Variants in ATP8A2 observed in about 807,000 individuals in gnomAD.
The protein encoded by ATP8A2 is ATPase phospholipid transporting 8A2.
Under a neutral mutation model 165.6 loss-of-function variants are expected in ATP8A2, and 100 were observed. That is an observed-to-expected ratio of 0.60 (90% CI 0.51 to 0.71). The LOEUF (loss-of-function observed/expected upper bound fraction) is 0.71. ATP8A2 is among the 30% of genes least tolerant of loss of function. ATP8A2 has a pLI of 0.00. For missense variants in ATP8A2, 1,227 were observed against 1,479.5 expected (o/e 0.83, Z 2.80); for synonymous variants, 543 against 548.8 (o/e 0.99, Z 0.15).
intron 27 of ATP8A2, among the ~76,000 whole-genome samples, chr13:25,818,781 C>T (rs113157110): frequency 1.3e-5 from 2 of 152,260 alleles, no homozygotes; most frequent in Middle Eastern, 3.4e-3. Context: ...TTATTGAGCA[C>T]CTACTGTGTG....
At chr13:25,558,880 C>A in intron 13 of ATP8A2, 93 bp from the exon 14 acceptor site, 1 of 828,440 alleles carries the variant, frequency 1.2e-6, no homozygotes, top group Non-Finnish European at 1.9e-6. Flanking sequence ...CCGTTTCATA[C>A]AGGTTTTGAA....
intron 24 of ATP8A2, among the ~76,000 whole-genome samples, chr13:25,672,681 G>A (rs1002675691): frequency 4.6e-5 from 7 of 152,140 alleles, no homozygotes; most frequent in African/African-American, 1.7e-4. Flanking sequence ...TGGTTGCCAG[G>A]CAGTGGCTTT....
chr13:25,641,552 T>TGA (rs1350603950), intron 24 of ATP8A2, among the ~76,000 whole-genome samples: 15 of 152,168 alleles, frequency 9.9e-5, no homozygotes, highest in African/African-American at 3.1e-4. Context: ...TTAAGGGATG[T>TGA]GAAGGACCTC....
intron 24 of ATP8A2, among the ~76,000 whole-genome samples, chr13:25,681,565 G>A (rs182281168): frequency 6.3e-4 from 96 of 152,310 alleles, no homozygotes; most frequent in African/African-American, 2.1e-3. Flanking sequence ...GAGCTGGTCC[G>A]AGACGTCTCC....
intron 27 of ATP8A2, among the ~76,000 whole-genome samples, chr13:25,775,225 T>C (rs2044714998): frequency 1.3e-5 from 2 of 152,146 alleles, no homozygotes; most frequent in African/African-American, 4.8e-5. Context: ...CCTCCTGTGT[T>C]CCTCTTTGCC....
At chr13:25,997,601 G>A (rs995435309) in intron 35 of ATP8A2, among the ~76,000 whole-genome samples, 1 of 152,004 alleles carries the variant, frequency 6.6e-6, no homozygotes, top group Non-Finnish European at 1.5e-5. Flanking sequence ...GGCTCCCAAG[G>A]CTCTGTTAAT....
intron 1 of ATP8A2, among the ~76,000 whole-genome samples, chr13:25,375,892 C>G (rs918237280): frequency 1.3e-5 from 2 of 152,100 alleles, no homozygotes; most frequent in African/African-American, 2.4e-5. Context: ...CTTCTAGAAA[C>G]TGCCCCTGGA....
chr13:25,817,241 G>A lies in ATP8A2; in HGVS notation c.2680-10877G>A, dbSNP rs74521954. Among the ~76,000 whole-genome samples the A allele has an allele frequency of 1.9e-3, 287 of 151,864 alleles. 2 individuals carry two copies. The highest frequency in any genetic ancestry group is 3.2e-3 in the Non-Finnish European group (216 of 67,982). ...GCCTTGAACTATAAAAAAAATTTAC[G>A]AAGTCCTTGACACAATTTGGAGCGA... On this transcript the variant is annotated intron_variant, in intron 27 of 36. Transcript: ENST00000381655.
At chr13:25,487,499 G>T (rs1319466613) in intron 2 of ATP8A2, among the ~76,000 whole-genome samples, 4 of 152,160 alleles carry the variant, frequency 2.6e-5, no homozygotes, top group Non-Finnish European at 5.9e-5. Context: ...GAGTTAATAT[G>T]CATGAGGCAC....
chr13:25,771,582 A>G (rs990961313), intron 26 of ATP8A2, among the ~76,000 whole-genome samples: 1 of 152,198 alleles, frequency 6.6e-6, no homozygotes, highest in African/African-American at 2.4e-5. Flanking sequence ...CTCTCTTCAA[A>G]TTAAAAGTGT....
rs898862577 is a variant in ATP8A2, at chr13:25,483,173, A to T, written c.221+14052A>T. The stretch of plus-strand genomic sequence containing the variant: ...AGGTGCAGGGCTATACTGCTGCAGG[A>T]GAAGAGAAGCACTTGGGATGGTTAG... On this transcript the variant is annotated intron_variant, in intron 2 of 36. Coordinates refer to ENST00000381655, the MANE Select transcript of ATP8A2 (RefSeq NM_016529.6). Among the ~76,000 whole-genome samples, 3 of 152,210 alleles carry T rather than the reference A, an allele frequency of 2.0e-5. No homozygotes were observed. The South Asian group carries it at 6.2e-4, about 32-fold the overall frequency.
At chr13:25,777,556 G>A (rs766465058) in intron 27 of ATP8A2, among the ~76,000 whole-genome samples, 1 of 152,150 alleles carries the variant, frequency 6.6e-6, no homozygotes, top group Admixed American at 6.5e-5. Flanking sequence ...AACTCAAGGA[G>A]CGATTCTTTA....
At position 25,541,886 on chromosome 13, in the gene ATP8A2, T is replaced by A. The variant is rs769561562; in HGVS notation, c.652-33T>A. On this transcript the variant is annotated intron_variant, in intron 8 of 36. Coordinates refer to ENST00000381655, the MANE Select transcript of ATP8A2 (RefSeq NM_016529.6). ...TGGTGTCCCTAAGCACAGAAGATTG[T>A]GTTTGACTTCCTCTTTTGGTTTAAT... The A allele has an allele frequency of 4.3e-6, 7 of 1,613,192 alleles. No homozygotes were observed. The Admixed American group carries it at 1.2e-4, about 27-fold the overall frequency.
intron 7 of ATP8A2, among the ~76,000 whole-genome samples, chr13:25,539,094 T>C (rs1201294510): frequency 6.6e-6 from 1 of 150,602 alleles, no homozygotes; most frequent in Admixed American, 6.6e-5. Flanking sequence ...TGTGTGTGTG[T>C]GTGTGTTTTG....
chr13:25,572,503 A>AT (rs1405946848), intron 18 of ATP8A2, among the ~76,000 whole-genome samples: 1 of 151,944 alleles, frequency 6.6e-6, no homozygotes, highest in East Asian at 1.9e-4. Context: ...ATGTTTTCTG[A>AT]TTTTTTCTGA....
At chr13:25,620,211 C>A (rs185149158) in intron 24 of ATP8A2, among the ~76,000 whole-genome samples, 1 of 152,284 alleles carries the variant, frequency 6.6e-6, no homozygotes, top group African/African-American at 2.4e-5. Context: ...GGACAGCAGA[C>A]ACTAAGAGAA....
intron 27 of ATP8A2, among the ~76,000 whole-genome samples, chr13:25,795,408 G>T (rs948793961): frequency 1.3e-5 from 2 of 152,110 alleles, no homozygotes; most frequent in Admixed American, 6.6e-5. Context: ...AGCATATTTG[G>T]TCGATTTCTT....
intron 24 of ATP8A2, among the ~76,000 whole-genome samples, chr13:25,630,217 A>T (rs567585065): frequency 1.3e-5 from 2 of 152,306 alleles, no homozygotes; most frequent in East Asian, 3.9e-4. Context: ...CAGGGATTTA[A>T]GTTTGTGGCC....
At chr13:25,513,588 T>G (rs1288243119) in intron 2 of ATP8A2, among the ~76,000 whole-genome samples, 1 of 151,950 alleles carries the variant, frequency 6.6e-6, no homozygotes, top group African/African-American at 2.4e-5. Context: ...CTCGGCACTT[T>G]GGGAGGCCAA....
Sources: allele counts gnomAD v4.1 joint callset (sites outside exome capture counted in the v4.1 genomes callset), GRCh38; gene constraint gnomAD v4.1.1; transcripts MANE v1.5; gene names NCBI Gene and HGNC (gene_info 2026-07-23, HGNC 2026-07-21).